The following SLC4A5 variants were observed in gnomAD, a reference collection of about 807,000 sequenced individuals.
The protein encoded by SLC4A5 is solute carrier family 4 member 5.
A neutral mutation model predicts 120.4 loss-of-function variants in SLC4A5; 96 were observed. The observed-to-expected ratio is 0.80, with a 90% CI of 0.68 to 0.94. The LOEUF is 0.94. Ranked by LOEUF, SLC4A5 falls within the 40% of genes least tolerant of loss-of-function variation. SLC4A5 has a pLI of 0.00. For missense variants in SLC4A5, 1,259 were observed against 1,459.5 expected, an observed-to-expected ratio of 0.86 and a Z score of 2.24; for synonymous variants, 550 against 571.1, an observed-to-expected ratio of 0.96 and a Z score of 0.53.
chr2:74,290,840 G>A, intron 7 of SLC4A5: 1 of 826,662 alleles, frequency 1.2e-6, no homozygotes, highest in Non-Finnish European at 1.5e-6. Context: ...CCCCATGAGT[G>A]CTTCCTATGT....
chr2:74,253,519 C>T (rs13002080), intron 14 of SLC4A5, among the ~76,000 whole-genome samples: 46,563 of 152,024 alleles, frequency 0.31, 9,260 homozygotes, highest in Non-Finnish European at 0.43. Context: ...AGGCTCAGGC[C>T]GTGTTCTTCA....
At chr2:74,241,733 C>A (rs1334762639) in intron 20 of SLC4A5, among the ~76,000 whole-genome samples, 6 of 138,886 alleles carry the variant, frequency 4.3e-5, no homozygotes, top group African/African-American at 1.6e-4. Flanking sequence ...CACAGTGAGA[C>A]CCTGTCTCAA....
intron 6 of SLC4A5, chr2:74,307,996 TG>T: frequency 1.8e-6 from 1 of 552,066 alleles, no homozygotes; most frequent in Non-Finnish European, 3.6e-6. Flanking sequence ...GTGGAACGAG[TG>T]GTGAAGCTCA....
At chr2:74,291,780 C>T (rs761391825) in intron 7 of SLC4A5, among the ~76,000 whole-genome samples, 4 of 152,152 alleles carry the variant, frequency 2.6e-5, no homozygotes, top group African/African-American at 7.2e-5. Flanking sequence ...ACAAGTATGC[C>T]CGTTTTAAAG....
chr2:74,219,385 C>T (rs1185959659), intron 30 of SLC4A5, among the ~76,000 whole-genome samples: 1 of 152,144 alleles, frequency 6.6e-6, no homozygotes, highest in Non-Finnish European at 1.5e-5. Context: ...GCACAGGGTG[C>T]TCTGTCTTTG....
rs148745871 is a variant in SLC4A5 at position 74,217,881 on chromosome 2, G to A, written c.*945C>T. On this transcript the variant is annotated 3_prime_UTR_variant, in exon 31 of 31. Transcript: ENST00000394019. ...TGCAGTGGTGCCATCTCAGCTCACT[G>A]CAACTTCTGCCTCCTGGGTTCAAGC... 2.1e-3 allele frequency: 314 copies of A among 152,334 alleles called. 13 individuals carry two copies. In the East Asian group the frequency reaches 0.054, roughly 26 times the overall value. 9.4% of individuals were successfully genotyped at this position (152,334 alleles called of 1,614,324 possible).
At chr2:74,217,210 A>G (rs1214723364) in exon 31 of SLC4A5, 1 of 152,180 alleles carries the variant, frequency 6.6e-6, no homozygotes, top group African/African-American at 2.4e-5. Flanking sequence ...TCTAACCTCA[A>G]GGTTCAAGTG....
At chr2:74,286,297 C>G (rs886457927) in intron 7 of SLC4A5, among the ~76,000 whole-genome samples, 2 of 152,196 alleles carry the variant, frequency 1.3e-5, no homozygotes, top group Non-Finnish European at 2.9e-5. Context: ...TCCTCCAACA[C>G]TGGTCTTGAA....
intron 7 of SLC4A5, among the ~76,000 whole-genome samples, chr2:74,302,690 C>A (rs528516597): frequency 6.6e-5 from 10 of 152,334 alleles, no homozygotes; most frequent in African/African-American, 2.4e-4. Flanking sequence ...GTCCACTTAA[C>A]TGAACAAGAC....
intron 19 of SLC4A5, among the ~76,000 whole-genome samples, chr2:74,243,719 C>A (rs1002570474): frequency 2.0e-5 from 3 of 152,162 alleles, no homozygotes; most frequent in Admixed American, 2.0e-4. Flanking sequence ...TCTGCTTATG[C>A]TTATCAATTC....
At position 74,307,705 on chromosome 2, in the gene SLC4A5, T is replaced by G. The variant is rs1446591043; in HGVS notation, c.80-3025A>C. On this transcript the variant is annotated intron_variant, in intron 6 of 30. Coordinates refer to ENST00000394019, the Ensembl canonical transcript of SLC4A5. ...TTGCTCTCCAGCTTCCTGTTATCAG[T>G]CTCCAGGCTCCTCACTGTCCAGGTA... is the stretch of plus-strand genomic sequence containing the variant. The G allele has an allele frequency of 2.9e-5, 24 of 840,670 alleles. No individual in the cohort carries two copies. In the Admixed American group the frequency reaches 3.9e-4, roughly 14 times the overall value. 52.1% of individuals were successfully genotyped at this position (840,670 alleles called of 1,614,324 possible). A position where few individuals can be genotyped will look rare whatever the true frequency, so the allele number is the denominator to read the frequency against.
chr2:74,273,188 A>G (rs1671531194), intron 8 of SLC4A5, among the ~76,000 whole-genome samples: 1 of 152,260 alleles, frequency 6.6e-6, no homozygotes. Context: ...GTGTAGTTAG[A>G]TAAGAGTAAA....
chr2:74,341,322 A>G (rs1673619892), intron 2 of SLC4A5, among the ~76,000 whole-genome samples: 1 of 151,942 alleles, frequency 6.6e-6, no homozygotes, highest in Admixed American at 6.6e-5. Context: ...AAAAAAAAAA[A>G]AGAGTAAATG....
chr2:74,234,161 T>C (rs1333640660), intron 22 of SLC4A5, among the ~76,000 whole-genome samples: 1 of 151,846 alleles, frequency 6.6e-6, no homozygotes, highest in Non-Finnish European at 1.5e-5. Context: ...GTGCTCTTTT[T>C]TTTTTCTTTC....
intron 25 of SLC4A5, among the ~76,000 whole-genome samples, chr2:74,229,173 T>G (rs1265118731): frequency 7.0e-6 from 1 of 141,990 alleles, no homozygotes; most frequent in Non-Finnish European, 1.5e-5. Flanking sequence ...TGTTCTCAAG[T>G]GATCCTCCCA....
intron 7 of SLC4A5, among the ~76,000 whole-genome samples, chr2:74,291,616 G>A (rs1363415712): frequency 1.3e-5 from 2 of 152,216 alleles, no homozygotes; most frequent in Non-Finnish European, 2.9e-5. Context: ...CCTGAGGCTC[G>A]AGGATCAAGT....
chr2:74,219,498 A>G (rs185873233), intron 30 of SLC4A5, among the ~76,000 whole-genome samples: 1 of 152,274 alleles, frequency 6.6e-6, no homozygotes, highest in Admixed American at 6.5e-5. Context: ...AGAGCCTTTC[A>G]CTGAAACAGA....
intron 21 of SLC4A5, among the ~76,000 whole-genome samples, chr2:74,239,123 T>C (rs1261835325): frequency 1.3e-5 from 2 of 152,202 alleles, no homozygotes; most frequent in African/African-American, 4.8e-5. Context: ...GATACTACTA[T>C]AGACAAAGAC....
intron 5 of SLC4A5, among the ~76,000 whole-genome samples, chr2:74,322,987 C>T (rs1268258052): frequency 2.0e-5 from 3 of 152,096 alleles, no homozygotes; most frequent in Non-Finnish European, 2.9e-5. Context: ...ACCTGTAATC[C>T]CAGCACTTTG....
Sources: allele counts gnomAD v4.1 joint callset (sites outside exome capture counted in the v4.1 genomes callset), GRCh38; gene constraint gnomAD v4.1.1; transcripts MANE v1.5; gene names NCBI Gene and HGNC (gene_info 2026-07-23, HGNC 2026-07-21).